Variants in EMC7 observed in about 807,000 individuals in gnomAD.
EMC7 encodes the protein ER membrane protein complex subunit 7.
Under a neutral mutation model 24.4 loss-of-function variants are expected in EMC7, and 4 were observed. The ratio of observed to expected loss-of-function variants is 0.16; its 90% confidence interval spans 0.08 to 0.38. The LOEUF is 0.38. Among genes scored for constraint, EMC7 ranks in the 10% least tolerant of loss-of-function variants. The pLI is 1.00. For missense variants in EMC7, 221 were observed against 300.6 expected, an observed-to-expected ratio of 0.74 and a Z score of 1.96; for synonymous variants, 106 against 112.0, an observed-to-expected ratio of 0.95 and a Z score of 0.34.
intron 2 of EMC7, among the ~76,000 whole-genome samples, chr15:34,094,926 A>G (rs777455585): frequency 2.2e-4 from 33 of 152,194 alleles, no homozygotes; most frequent in South Asian, 4.1e-4. Context: ...TAAAACTTTC[A>G]ATGTCAAAGA....
chr15:34,087,447 A>G (rs1486243509), intron 4 of EMC7, among the ~76,000 whole-genome samples: 1 of 152,216 alleles, frequency 6.6e-6, no homozygotes, highest in Non-Finnish European at 1.5e-5. Context: ...CAGAATTCAA[A>G]GGTCACTCTT....
intron 1 of EMC7, among the ~76,000 whole-genome samples, chr15:34,098,675 G>T (rs1292611712): frequency 3.4e-5 from 5 of 146,806 alleles, no homozygotes; most frequent in Admixed American, 2.8e-4. Flanking sequence ...TTCCATGTTG[G>T]CCAGGCTGGT....
intron 1 of EMC7, among the ~76,000 whole-genome samples, chr15:34,098,371 C>T (rs1188185464): frequency 1.3e-5 from 2 of 152,112 alleles, no homozygotes; most frequent in African/African-American, 4.8e-5. Context: ...TGTTTGATGC[C>T]TTCATTAAAT....
At position 34,084,177 on chromosome 15, in the gene EMC7, A is replaced by G; in HGVS notation, c.*157T>C. ...GAAAGCTGGGTTTTCTCGTGTACCA[A>G]GTACAAAACATGTGCTAAAAAGTTA... is the stretch of plus-strand genomic sequence containing the variant. On this transcript the variant is annotated 3_prime_UTR_variant, in exon 5 of 5. Coordinates refer to ENST00000256545, the MANE Select transcript of EMC7 (RefSeq NM_020154.3). 1 of 881,152 alleles carries G rather than the reference A, an allele frequency of 1.1e-6. No individual in the cohort carries two copies. Among genetic ancestry groups the G allele is most frequent in the African/African-American group, 1.7e-5 (1 of 59,152 alleles). The allele number at this position is 881,152 out of a possible 1,614,324, so 54.6% of individuals were successfully genotyped here.
At chr15:34,094,999 G>A (rs1295237969) in intron 2 of EMC7, among the ~76,000 whole-genome samples, 1 of 152,208 alleles carries the variant, frequency 6.6e-6, no homozygotes, top group Non-Finnish European at 1.5e-5. Flanking sequence ...AATGTAAATA[G>A]TATGGTACTA....
rs1376374960 is a variant in EMC7, at chr15:34,097,128, C to A, written c.237-1114G>T. Among the ~76,000 whole-genome samples the A allele has an allele frequency of 2.7e-5, 4 of 146,980 alleles. No individual in the cohort carries two copies. In the South Asian group the frequency reaches 6.4e-4, roughly 24 times the overall value. On this transcript the variant is annotated intron_variant, in intron 1 of 4. Transcript: ENST00000256545. ...GGCTCACTGCAAGCTCCGCCTCCTG[C>A]GTTCACGCCATTCTCCTTCCTCAGT... is the stretch of plus-strand genomic sequence containing the variant.
chr15:34,099,645 G>A (rs1901143663), intron 1 of EMC7, among the ~76,000 whole-genome samples: 2 of 152,192 alleles, frequency 1.3e-5, no homozygotes, highest in South Asian at 4.2e-4. Flanking sequence ...TTGCTCTGTA[G>A]CCCAGGCTGG....
chr15:34,094,701 CAA>C (rs11399551), intron 2 of EMC7, among the ~76,000 whole-genome samples: 1 of 141,812 alleles, frequency 7.1e-6, no homozygotes, highest in Admixed American at 7.1e-5. Flanking sequence ...GACTTTGTCT[CAA>C]AAAAAAAAAG....
intron 4 of EMC7, 24 bp from the exon 5 acceptor site, chr15:34,084,510 A>G (rs1415490652): frequency 6.2e-7 from 1 of 1,600,810 alleles, no homozygotes; most frequent in African/African-American, 1.3e-5. Context: ...AGGCACAATG[A>G]TATGTAGGAT....
intron 1 of EMC7, 30 bp from the exon 2 acceptor site, chr15:34,096,044 T>G (rs1346306072): frequency 6.7e-7 from 1 of 1,503,208 alleles, no homozygotes; most frequent in East Asian, 2.4e-5. Context: ...GTTTAGCTAC[T>G]ACTGATCAAC....
intron 1 of EMC7, among the ~76,000 whole-genome samples, chr15:34,096,511 C>G (rs956119154): frequency 3.9e-5 from 6 of 152,118 alleles, no homozygotes; most frequent in African/African-American, 1.2e-4. Context: ...TGAAAATACC[C>G]AAGACCACTC....
intron 3 of EMC7, among the ~76,000 whole-genome samples, chr15:34,089,685 G>C (rs1012345763): frequency 6.6e-6 from 1 of 152,182 alleles, no homozygotes; most frequent in African/African-American, 2.4e-5. Flanking sequence ...GGCTGGGTGC[G>C]GTGGCTCACG....
At chr15:34,091,337 A>C (rs1245754949) in intron 2 of EMC7, among the ~76,000 whole-genome samples, 1 of 152,122 alleles carries the variant, frequency 6.6e-6, no homozygotes. Flanking sequence ...TTATTTGCTG[A>C]CTCAATGTAG....
rs1177402511 is a variant in EMC7 at position 34,084,581 on chromosome 15, G to A, written c.577-95C>T. ...AGGAAAAAGTAAAGGAGTAGAACAA[G>A]TGAAAGGTACTGGTTCTGAGCAATG... is the stretch of plus-strand genomic sequence containing the variant. On this transcript the variant is annotated intron_variant, in intron 4 of 4. Transcript: ENST00000256545. 9 of 1,399,224 alleles carry A rather than the reference G, an allele frequency of 6.4e-6. No homozygotes were observed. The Admixed American group carries it at 1.4e-4, about 22-fold the overall frequency. 86.7% of individuals were successfully genotyped at this position (1,399,224 alleles called of 1,614,324 possible). A position where few individuals can be genotyped will look rare whatever the true frequency, so the allele number is the denominator to read the frequency against.
In EMC7 at chr15:34,101,590, C is replaced by T. The variant is rs1465887253; in HGVS notation, c.236+14G>A. On this transcript the variant is annotated intron_variant, in intron 1 of 4. Coordinates refer to ENST00000256545, the MANE Select transcript of EMC7 (RefSeq NM_020154.3). ...CCATCCCAGCCTTTTTCCCGCTGCCCTCAGGATGCTCACTTAAGGAAACCG... is the reference window on the plus strand; with the variant it reads ...CCATCCCAGCCTTTTTCCCGCTGCCTTCAGGATGCTCACTTAAGGAAACCG... 8 of 1,613,032 alleles carry T rather than the reference C, an allele frequency of 5.0e-6. No individual in the cohort carries two copies. The highest frequency in any genetic ancestry group is 5.9e-6 in the Non-Finnish European group (7 of 1,179,538).
chr15:34,088,206 A>C, intron 3 of EMC7, 73 bp from the exon 4 acceptor site: 2 of 1,236,598 alleles, frequency 1.6e-6, no homozygotes, highest in Non-Finnish European at 2.3e-6. Context: ...TGCACTTAAC[A>C]ACCAATGGTA....
chr15:34,097,051 T>TTTTTTTTTTTA (rs71119930), intron 1 of EMC7, among the ~76,000 whole-genome samples: 2 of 146,348 alleles, frequency 1.4e-5, no homozygotes, highest in Admixed American at 1.4e-4. Flanking sequence ...TTTTTTTTTT[T>TTTTTTTTTTTA]GAGACGGAGT....
At chr15:34,098,457 CTTT>C (rs560201784) in intron 1 of EMC7, among the ~76,000 whole-genome samples, 6 of 132,292 alleles carry the variant, frequency 4.5e-5, no homozygotes, top group Non-Finnish European at 3.2e-5. Flanking sequence ...TTCTTTCTTT[CTTT>C]TTTTTTTTTT....
intron 2 of EMC7, among the ~76,000 whole-genome samples, chr15:34,093,806 C>CACACATATATATATAT (rs61440619): frequency 3.3e-5 from 1 of 30,248 alleles, no homozygotes; most frequent in Non-Finnish European, 7.8e-5. Flanking sequence ...CACACACACA[C>CACACATATATATATAT]ATATATATAT....
Sources: gnomAD v4.1 joint callset for allele counts (sites outside exome capture counted in the v4.1 genomes callset) on GRCh38, gnomAD v4.1.1 for gene constraint, MANE v1.5 for transcripts, NCBI Gene and HGNC (gene_info 2026-07-23, HGNC 2026-07-21) for gene names.